Variants in GRIN2A observed in about 807,000 individuals in gnomAD.
The protein encoded by GRIN2A is glutamate ionotropic receptor NMDA type subunit 2A.
Under a neutral mutation model 113.4 loss-of-function variants are expected in GRIN2A, and 22 were observed. That is an observed-to-expected ratio of 0.19 (90% CI 0.14 to 0.28). The LOEUF is 0.28. Ranked by LOEUF, GRIN2A falls within the 10% of genes least tolerant of loss-of-function variation. The pLI is 1.00. For missense variants in GRIN2A, 1,502 were observed against 1,887.0 expected, an observed-to-expected ratio of 0.80 and a Z score of 3.78; for synonymous variants, 827 against 738.4, an observed-to-expected ratio of 1.12 and a Z score of -1.94.
chr16:9,765,788 T>G (rs899010355), intron 12 of GRIN2A, among the ~76,000 whole-genome samples: 3 of 152,166 alleles, frequency 2.0e-5, no homozygotes, highest in Non-Finnish European at 2.9e-5. Flanking sequence ...TAGAACTGGG[T>G]TTTAGTTACT....
chr16:9,987,499 T>C (rs1005141884), intron 2 of GRIN2A, among the ~76,000 whole-genome samples: 1 of 152,102 alleles, frequency 6.6e-6, no homozygotes, highest in African/African-American at 2.4e-5. Flanking sequence ...TGCAGTAAAA[T>C]AAATGAGGGC....
At chr16:9,794,655 C>T (rs890520957) in intron 11 of GRIN2A, 1 of 152,172 alleles carries the variant, frequency 6.6e-6, no homozygotes, top group Non-Finnish European at 1.5e-5. Context: ...AGACATTTCC[C>T]AAACCCAAGT....
At chr16:10,112,220 G>T (rs763222171) in intron 2 of GRIN2A, 17 of 602,886 alleles carry the variant, frequency 2.8e-5, no homozygotes, top group Non-Finnish European at 4.9e-5. Flanking sequence ...GGAACTCGGT[G>T]TATCAAATCA....
At chr16:10,006,487 T>A (rs1301387895) in intron 2 of GRIN2A, among the ~76,000 whole-genome samples, 2 of 152,186 alleles carry the variant, frequency 1.3e-5, no homozygotes, top group Non-Finnish European at 2.9e-5. Flanking sequence ...ATTTTATTTC[T>A]TAAAAAATGT....
Position 9,763,029 on chromosome 16 carries a change from A to G in GRIN2A, c.*120T>C, listed in dbSNP as rs552269219. ...CAAAAGAGCCAACAACAACAACAAC[A>G]AAATACCTCCCTACATCTTCTTCCT... On this transcript the variant is annotated 3_prime_UTR_variant, in exon 13 of 13. Coordinates refer to ENST00000330684, the MANE Select transcript of GRIN2A (RefSeq NM_001134407.3). The G allele has an allele frequency of 1.9e-5, 20 of 1,031,720 alleles. No individual in the cohort carries two copies. In the African/African-American group the frequency reaches 3.2e-4, roughly 16 times the overall value. The allele number at this position is 1,031,720 out of a possible 1,614,324, so 63.9% of individuals were successfully genotyped here.
At chr16:9,822,816 G>C (rs1399101904) in intron 9 of GRIN2A, among the ~76,000 whole-genome samples, 1 of 152,154 alleles carries the variant, frequency 6.6e-6, no homozygotes, top group African/African-American at 2.4e-5. Context: ...TACTACCTTA[G>C]TCCAGTCCAT....
chr16:10,054,343 G>A (rs971744456), intron 2 of GRIN2A, among the ~76,000 whole-genome samples: 20 of 152,210 alleles, frequency 1.3e-4, no homozygotes, highest in Middle Eastern at 3.2e-3. Flanking sequence ...GAAGACCATG[G>A]TTAGATTCCG....
chr16:9,881,761 T>C (rs574832375), intron 4 of GRIN2A, among the ~76,000 whole-genome samples: 32 of 152,346 alleles, frequency 2.1e-4, no homozygotes, highest in African/African-American at 7.0e-4. Context: ...CCAGAATTCA[T>C]GGCTTTACCA....
intron 2 of GRIN2A, among the ~76,000 whole-genome samples, chr16:10,073,396 C>T (rs1293192166): frequency 6.6e-6 from 1 of 152,116 alleles, no homozygotes; most frequent in Non-Finnish European, 1.5e-5. Flanking sequence ...ATGCTGATAT[C>T]ACGCAGGGTT....
In GRIN2A at chr16:9,938,013, G is replaced by T; in HGVS notation, c.953C>A (p.Ala318Asp). 1.2e-6 allele frequency: 2 copies of T among 1,614,034 alleles called. No homozygotes were observed. Among genetic ancestry groups the T allele is most frequent in the Non-Finnish European group, 1.7e-6 (2 of 1,179,974 alleles). The change falls in exon 3 of 13, where the codon GCC becomes GAC. Residue 318 changes from alanine (A) to aspartate (D), a missense_variant. Transcript: ENST00000330684. ...CCTCTCCATCTGCCCGTAGCAGCTG[G>T]CCTTGGCCTCGGGGATGTAGGAGAA... The part of the protein sequence containing the change: ...EKFSYIPEAK[A>D]SCYGQMERPE...
intron 11 of GRIN2A, among the ~76,000 whole-genome samples, chr16:9,778,860 C>T (rs971034): frequency 6.6e-6 from 1 of 152,092 alleles, no homozygotes; most frequent in African/African-American, 2.4e-5. Context: ...ACCTTGTAGT[C>T]TCCCCGAGGG....
intron 3 of GRIN2A, among the ~76,000 whole-genome samples, chr16:9,916,377 C>A (rs1220020159): frequency 1.3e-5 from 2 of 152,162 alleles, no homozygotes; most frequent in Non-Finnish European, 2.9e-5. Context: ...CTCAAGAGAA[C>A]CAGAAATTGT....
At chr16:10,128,307 C>T (rs563887018) in intron 2 of GRIN2A, among the ~76,000 whole-genome samples, 2 of 152,260 alleles carry the variant, frequency 1.3e-5, no homozygotes, top group African/African-American at 4.8e-5. Flanking sequence ...AGTGAATTAT[C>T]AAAGATAAGG....
chr16:9,793,351 C>A (rs1902741251), intron 11 of GRIN2A, among the ~76,000 whole-genome samples: 1 of 152,084 alleles, frequency 6.6e-6, no homozygotes. Flanking sequence ...AAGGGTTTGA[C>A]CTTTATGGTC....
At chr16:9,984,995 C>T (rs971158548) in intron 2 of GRIN2A, among the ~76,000 whole-genome samples, 2 of 152,172 alleles carry the variant, frequency 1.3e-5, no homozygotes, top group African/African-American at 4.8e-5. Context: ...TTCTCCTTCT[C>T]TCACAGACAC....
Position 10,161,221 on chromosome 16 carries a change from C to T in GRIN2A, c.414+18777G>A, listed in dbSNP as rs1394323480. Among the ~76,000 whole-genome samples, 8 of 152,276 alleles carry T rather than the reference C, an allele frequency of 5.3e-5. No homozygotes were observed. In the South Asian group the frequency reaches 1.2e-3, roughly 24 times the overall value. ...ATGGTCTTATTAGGGGCTTTTCCCCCTTTTGCTCACACTTCTCCTTGCTGC... is the reference window on the plus strand; with the variant it reads ...ATGGTCTTATTAGGGGCTTTTCCCCTTTTTGCTCACACTTCTCCTTGCTGC... On this transcript the variant is annotated intron_variant, in intron 2 of 12. Coordinates refer to ENST00000330684, the MANE Select transcript of GRIN2A (RefSeq NM_001134407.3).
chr16:9,849,250 G>A (rs8047364), intron 5 of GRIN2A, among the ~76,000 whole-genome samples: 52,025 of 142,094 alleles, frequency 0.37, 10,577 homozygotes, highest in African/African-American at 0.56. Flanking sequence ...AATATATTAA[G>A]ATATGTTTTA....
rs148152595 is a variant in GRIN2A, at chr16:10,052,975, G to A, written c.415-114424C>T. On this transcript the variant is annotated intron_variant, in intron 2 of 12. Transcript: ENST00000330684. ...AGGCAGGAGAATGGCTTGATCCTGG[G>A]AGACAGAGGTTGCAGTGAGCAGAGA... Among the ~76,000 whole-genome samples the A allele has an allele frequency of 2.1e-4, 32 of 151,224 alleles. No individual in the cohort carries two copies. In the East Asian group the frequency reaches 3.1e-3, roughly 15 times the overall value.
chr16:9,969,934 G>T (rs558431808), intron 2 of GRIN2A, among the ~76,000 whole-genome samples: 2 of 152,178 alleles, frequency 1.3e-5, no homozygotes, highest in African/African-American at 2.4e-5. Flanking sequence ...ACTCCCGCAC[G>T]CCATCTTAGA....
Sources: allele counts gnomAD v4.1 joint callset (sites outside exome capture counted in the v4.1 genomes callset), GRCh38; gene constraint gnomAD v4.1.1; transcripts MANE v1.5; gene names NCBI Gene and HGNC (gene_info 2026-07-23, HGNC 2026-07-21).